The following MYCT1 variants were observed in gnomAD, a reference collection of about 807,000 sequenced individuals.
MYCT1 encodes the protein myc target protein 1.
A neutral mutation model predicts 15.0 loss-of-function variants in MYCT1; 12 were observed. The observed-to-expected ratio is 0.80, with a 90% CI of 0.51 to 1.29. The LOEUF is 1.29. Ranked by LOEUF, MYCT1 falls within the 50% of genes most tolerant of loss-of-function variation. The pLI is 0.00. For missense variants in MYCT1, 287 were observed against 279.1 expected (o/e 1.03, Z -0.20); for synonymous variants, 104 against 102.7 (o/e 1.01, Z -0.07).
rs1420634034 is a variant in MYCT1 at position 152,705,392 on chromosome 6, A to G, written c.196+7294A>G. ...GAAGTACAGTTTCTACTGAATGCTT[A>G]TGGCTTTTGCACCATCGTAGCCAAA... On this transcript the variant is annotated intron_variant, in intron 1 of 1. Transcript: ENST00000367245. Among the ~76,000 whole-genome samples, 4 of 152,192 alleles carry G rather than the reference A, an allele frequency of 2.6e-5. No homozygotes were observed. In the East Asian group the frequency reaches 7.7e-4, roughly 29 times the overall value.
Position 152,697,932 on chromosome 6 carries a change from TA to T in MYCT1, c.35del (p.Asn12IlefsTer45). On this transcript the variant is annotated frameshift_variant, in exon 1 of 2. Transcript: ENST00000367245. LOFTEE classifies it high-confidence loss of function. The stretch of plus-strand genomic sequence containing the variant: ...GAACACAAGTATATGAGGGGTTGTG[TA>T]AAAATTATTTTTCTCTTGCTGTACT... MRTQVYEGLCKNYFSLAVLQR... is the reference protein window; with the variant it reads MRTQVYEGLCXNYFSLAVLQR... 6.2e-7 allele frequency: 1 copy of T among 1,600,354 alleles called. No homozygotes were observed. Among genetic ancestry groups the T allele is most frequent in the Middle Eastern group, 1.7e-4 (1 of 6,024 alleles).
chr6:152,743,502 C>T, the MYCT1 span, among the ~76,000 whole-genome samples: 4 of 152,194 alleles, frequency 2.6e-5, no homozygotes, highest in African/African-American at 9.7e-5. Flanking sequence ...GAACTATTTG[C>T]AAGCAAATGT....
intron 1 of MYCT1, among the ~76,000 whole-genome samples, chr6:152,704,760 T>C (rs952445696): frequency 4.6e-5 from 7 of 152,192 alleles, no homozygotes; most frequent in African/African-American, 1.7e-4. Context: ...ATATTTAAGG[T>C]GTCCAACATG....
chr6:152,702,804 A>T (rs974097808), intron 1 of MYCT1, among the ~76,000 whole-genome samples: 1 of 152,212 alleles, frequency 6.6e-6, no homozygotes, highest in Admixed American at 6.5e-5. Flanking sequence ...TCTATTCATT[A>T]GTTCCCCTAT....
At position 152,703,940 on chromosome 6, in the gene MYCT1, T is replaced by TTTTTATTTTA. The variant is rs200449869; in HGVS notation, c.196+5907_196+5916dup. 4.6e-3 allele frequency among the ~76,000 whole-genome samples: 562 copies of TTTTTATTTTA among 123,072 alleles called. 5 individuals are homozygous for TTTTTATTTTA. The highest frequency in any genetic ancestry group is 0.011 in the African/African-American group (340 of 31,342). 80.7% of individuals were successfully genotyped at this position (123,072 alleles called of 152,430 possible). ...AATTTCTTGAAAATATTTTCCCTGT[T>TTTTTATTTTA]TTTTATTTTATTTTATTTTATTTTA... On this transcript the variant is annotated intron_variant, in intron 1 of 1. Transcript: ENST00000367245.
At chr6:152,716,206 C>G (rs2099723653) in intron 1 of MYCT1, among the ~76,000 whole-genome samples, 1 of 152,114 alleles carries the variant, frequency 6.6e-6, no homozygotes, top group Admixed American at 6.5e-5. Context: ...ATAAGATGTT[C>G]TGGCACATGA....
chr6:152,718,370 A>G (rs1190170838), intron 1 of MYCT1, among the ~76,000 whole-genome samples: 2 of 152,026 alleles, frequency 1.3e-5, no homozygotes, highest in Non-Finnish European at 2.9e-5. Context: ...CACTCCATGT[A>G]TTTTTGTTGT....
chr6:152,707,588 T>TC (rs2099722517), intron 1 of MYCT1, among the ~76,000 whole-genome samples: 1 of 151,398 alleles, frequency 6.6e-6, no homozygotes, highest in Non-Finnish European at 1.5e-5. Context: ...AATATCAAGC[T>TC]TTTTCCCTAT....
rs1456717334 is a variant in MYCT1 at position 152,698,058 on chromosome 6, CACA to C, written c.161_163del (p.Thr54del). ...TTCTTGTGGATATTATGGCTAATAA[CACA>C]ACAAGTTTAGGGAGTCCATGGCCAG... On this transcript the variant is annotated inframe_deletion, in exon 1 of 2. Coordinates refer to ENST00000367245, the MANE Select transcript of MYCT1 (RefSeq NM_025107.3). The C allele has an allele frequency of 1.2e-5, 19 of 1,604,142 alleles. 1 individual carries two copies. In the South Asian group the frequency reaches 1.2e-4, roughly 10 times the overall value.
chr6:152,714,464 C>G (rs2099723288), intron 1 of MYCT1, among the ~76,000 whole-genome samples: 1 of 151,126 alleles, frequency 6.6e-6, no homozygotes, highest in South Asian at 2.1e-4. Flanking sequence ...AAATGTATAC[C>G]TATAAAGCTA....
At chr6:152,728,979 T>C (rs975660089), downstream of MYCT1, among the ~76,000 whole-genome samples, 3 of 152,168 alleles carry the variant, frequency 2.0e-5, no homozygotes, top group Non-Finnish European at 2.9e-5. Flanking sequence ...ATTTTGATGA[T>C]TGACAAGGAT....
chr6:152,700,481 T>C (rs977279670), intron 1 of MYCT1, among the ~76,000 whole-genome samples: 4 of 152,260 alleles, frequency 2.6e-5, no homozygotes, highest in Middle Eastern at 3.4e-3. Context: ...TAATATCGGG[T>C]TATTACCAAA....
chr6:152,742,124 G>A, the MYCT1 span, among the ~76,000 whole-genome samples: 1 of 152,138 alleles, frequency 6.6e-6, no homozygotes, highest in African/African-American at 2.4e-5. Context: ...AGTGTCTGGC[G>A]ATGGAGGAAA....
At chr6:152,743,052 AGTTGTT>A in the MYCT1 span, among the ~76,000 whole-genome samples, 30 of 151,868 alleles carry the variant, frequency 2.0e-4, 3 homozygotes, top group Admixed American at 1.0e-3. Flanking sequence ...ATTATTTTGT[AGTTGTT>A]GTTGTTGTTG....
rs2099725043 is a variant in MYCT1 at position 152,723,238 on chromosome 6, C to T, written c.*985C>T. ...AGAATAGTTATCTACTTCCTGGAGG[C>T]AAAATCCTTGGATTTACTAACATGA... On this transcript the variant is annotated 3_prime_UTR_variant, in exon 2 of 2. Transcript: ENST00000367245. 6.6e-6 allele frequency: 1 copy of T among 152,132 alleles called. No homozygotes were observed. Among genetic ancestry groups the T allele is most frequent in the Admixed American group, 6.5e-5 (1 of 15,268 alleles). The allele number at this position is 152,132 out of a possible 1,614,324, so 9.4% of individuals were successfully genotyped here.
the MYCT1 span, among the ~76,000 whole-genome samples, chr6:152,746,571 G>C: frequency 6.6e-6 from 1 of 152,170 alleles, no homozygotes; most frequent in Non-Finnish European, 1.5e-5. Context: ...AGATAAGGGA[G>C]GACTACTCTA....
At chr6:152,742,793 C>T in the MYCT1 span, among the ~76,000 whole-genome samples, 11 of 152,026 alleles carry the variant, frequency 7.2e-5, no homozygotes, top group Non-Finnish European at 1.2e-4. Flanking sequence ...TTGTCAGAGG[C>T]AGAGGTCATT....
chr6:152,746,224 G>C, the MYCT1 span, among the ~76,000 whole-genome samples: 1 of 152,230 alleles, frequency 6.6e-6, no homozygotes. Flanking sequence ...TGAGTTGAAG[G>C]CTGGTTGCAT....
chr6:152,707,884 C>A (rs1456561861), intron 1 of MYCT1, among the ~76,000 whole-genome samples: 1 of 151,920 alleles, frequency 6.6e-6, no homozygotes, highest in African/African-American at 2.4e-5. Flanking sequence ...CAGTACCTTG[C>A]TGTTTTGACT....
Sources: allele counts gnomAD v4.1 joint callset (sites outside exome capture counted in the v4.1 genomes callset), GRCh38; gene constraint gnomAD v4.1.1; transcripts MANE v1.5; gene names NCBI Gene and HGNC (gene_info 2026-07-23, HGNC 2026-07-21).